The following DHCR24 variants were observed in gnomAD, a reference collection of about 807,000 sequenced individuals.
DHCR24 encodes 24-dehydrocholesterol reductase, also known as delta(24)-sterol reductase.
Under a neutral mutation model 61.2 loss-of-function variants are expected in DHCR24, and 28 were observed. The ratio of observed to expected loss-of-function variants is 0.46; its 90% CI spans 0.34 to 0.63. The LOEUF (loss-of-function observed/expected upper bound fraction) is 0.63, where lower values mean the gene tolerates loss of function less well. DHCR24 is among the 20% of genes least tolerant of loss of function. The probability of loss-of-function intolerance (pLI) is 0.01; values close to 1 mark genes in which losing one functional copy is unlikely to be tolerated. For synonymous variants in DHCR24, 261 were observed against 275.9 expected (o/e 0.95, Z 0.54); for missense variants, 538 against 679.1 (o/e 0.79, Z 2.31).
At chr1:54,869,171 T>C (rs1254229754) in intron 5 of DHCR24, among the ~76,000 whole-genome samples, 1 of 152,144 alleles carries the variant, frequency 6.6e-6, no homozygotes, top group African/African-American at 2.4e-5. Flanking sequence ...CCCTCACAAG[T>C]GATCCAAGAA....
chr1:54,852,104 G>A lies in DHCR24; in HGVS notation c.*129C>T, dbSNP rs576668037. ...TGGAAGCCAGGAGGAAGGTGGTGTT[G>A]GGCTGTCAGGGTGGGAGTTCTGGAG... On this transcript the variant is annotated 3_prime_UTR_variant, in exon 9 of 9. Coordinates refer to ENST00000371269, the MANE Select transcript of DHCR24 (RefSeq NM_014762.4). The A allele has an allele frequency of 8.1e-6, 9 of 1,104,646 alleles. No homozygotes were observed. The South Asian group carries it at 1.2e-4, about 14-fold the overall frequency. 68.4% of individuals were successfully genotyped at this position (1,104,646 alleles called of 1,614,324 possible).
At chr1:54,877,606 AT>A (rs1185040199) in intron 2 of DHCR24, among the ~76,000 whole-genome samples, 33 of 151,928 alleles carry the variant, frequency 2.2e-4, no homozygotes, top group African/African-American at 7.7e-4. Flanking sequence ...ATAAAAAATT[AT>A]TTTAAAAAAA....
chr1:54,875,217 G>A lies in DHCR24; in HGVS notation c.494-6C>T, dbSNP rs754044827. 5 of 1,613,740 alleles carry A rather than the reference G, an allele frequency of 3.1e-6. No homozygotes were observed. Among genetic ancestry groups the A allele is most frequent in the Admixed American group, 3.3e-5 (2 of 60,008 alleles). ...TGTGCCCATGATCAAGCCCCCTGCA[G>A]AGACATCACACACAGTGTCAGCAGG... is the stretch of plus-strand genomic sequence containing the variant. On this transcript the variant is annotated splice_region_variant and splice_polypyrimidine_tract_variant and intron_variant, in intron 3 of 8. Coordinates refer to ENST00000371269, the MANE Select transcript of DHCR24 (RefSeq NM_014762.4).
At chr1:54,871,785 G>C (rs748141698) in intron 4 of DHCR24, among the ~76,000 whole-genome samples, 172 bp from the exon 5 acceptor site, 5 of 152,184 alleles carry the variant, frequency 3.3e-5, no homozygotes, top group Non-Finnish European at 5.9e-5. Context: ...CCTCCCTGCA[G>C]CTTCGACATG....
chr1:54,865,214 A>G, intron 6 of DHCR24, 89 bp downstream of exon 6: 2 of 1,486,386 alleles, frequency 1.3e-6, no homozygotes, highest in South Asian at 2.4e-5. Flanking sequence ...TTTACCCTGA[A>G]GGGAGAGAGT....
At position 54,857,069 on chromosome 1, in the gene DHCR24, A is replaced by C. The variant is rs13374503; in HGVS notation, c.1021-2835T>G. ...AAATAGTCAACTGGTATCCAAATAT[A>C]TCAGCTGAAACCATTCCTTTTCCAG... is the stretch of plus-strand genomic sequence containing the variant. On this transcript the variant is annotated intron_variant, in intron 6 of 8. Coordinates refer to ENST00000371269, the MANE Select transcript of DHCR24 (RefSeq NM_014762.4). Among the ~76,000 whole-genome samples the C allele has an allele frequency of 8.5e-3, 1,292 of 152,372 alleles. 16 individuals are homozygous for C. Among genetic ancestry groups the C allele is most frequent in the East Asian group, 0.038 (198 of 5,194 alleles).
Position 54,883,210 on chromosome 1 carries a change from G to A in DHCR24, c.387+408C>T, listed in dbSNP as rs1369580905. On this transcript the variant is annotated intron_variant, in intron 2 of 8. Coordinates refer to ENST00000371269, the MANE Select transcript of DHCR24 (RefSeq NM_014762.4). This position sits in a 1 kb window ranked among gnomAD's most constrained non-coding sequence, Gnocchi z 4.3. ...TTTCGAGAAGTAAAATTACTAGATG[G>A]GCCAAAAAGTATGTACATTTCGAAG... Among the ~76,000 whole-genome samples the A allele has an allele frequency of 6.6e-6, 1 of 151,854 alleles. No homozygotes were observed. The highest frequency in any genetic ancestry group is 6.6e-5 in the Admixed American group (1 of 15,230).
intron 1 of DHCR24, among the ~76,000 whole-genome samples, chr1:54,884,103 T>C (rs1647079210): frequency 6.6e-6 from 1 of 152,270 alleles, no homozygotes; most frequent in South Asian, 2.1e-4. Flanking sequence ...GAGGACCATT[T>C]ACTGGGTATT....
chr1:54,886,770 AC>A (rs767052495), intron 1 of DHCR24, 118 bp downstream of exon 1: 73 of 758,978 alleles, frequency 9.6e-5, no homozygotes, highest in Admixed American at 3.2e-4. Flanking sequence ...CCAGCTCCCC[AC>A]CCCCCCAGGA....
rs918231598 is a variant in DHCR24 at position 54,880,437 on chromosome 1, T to C, written c.387+3181A>G. On this transcript the variant is annotated intron_variant, in intron 2 of 8. Transcript: ENST00000371269. Reference sequence around the variant, plus strand: ...AATATAGGAGAAAGCCTTTCTGACATTGGATAGGCAAAGATTTCCTAAATA... The same window carrying C: ...AATATAGGAGAAAGCCTTTCTGACACTGGATAGGCAAAGATTTCCTAAATA... Among the ~76,000 whole-genome samples, 6 of 152,166 alleles carry C rather than the reference T, an allele frequency of 3.9e-5. No individual in the cohort carries two copies. In the East Asian group the frequency reaches 5.8e-4, roughly 15 times the overall value.
intron 6 of DHCR24, among the ~76,000 whole-genome samples, chr1:54,854,503 CT>C: frequency 6.6e-6 from 1 of 152,254 alleles, no homozygotes; most frequent in Non-Finnish European, 1.5e-5. Context: ...TAAAATGGGC[CT>C]TGTGAGGATA....
At chr1:54,867,747 G>C (rs552636768) in intron 5 of DHCR24, among the ~76,000 whole-genome samples, 112 of 152,256 alleles carry the variant, frequency 7.4e-4, no homozygotes, top group African/African-American at 2.6e-3. Context: ...GTCCTTGCTA[G>C]GTGACTTGGT....
chr1:54,887,186 GGCCCGCTCTGCGCCTGTA>G, exon 1 of DHCR24: 1 of 1,381,892 alleles, frequency 7.2e-7, no homozygotes, highest in Non-Finnish European at 9.8e-7. Context: ...CTCCGCGCCT[GGCCCGCTCTGCGCCTGTA>G]GCCCACAGCC....
intron 6 of DHCR24, among the ~76,000 whole-genome samples, chr1:54,863,144 C>CA (rs1218592844): frequency 1.3e-5 from 2 of 149,948 alleles, no homozygotes; most frequent in African/African-American, 4.9e-5. Context: ...CATCCACGGC[C>CA]AATCTGTCTG....
Position 54,883,868 on chromosome 1 carries a change from C to A in DHCR24, c.232-95G>T. ...CTTCAAGGGCGAGCTGGGAATGATG[C>A]CTCCATCAGGCACTGGAGAAACAGA... is the stretch of plus-strand genomic sequence containing the variant. On this transcript the variant is annotated intron_variant, in intron 1 of 8. Coordinates refer to ENST00000371269, the MANE Select transcript of DHCR24 (RefSeq NM_014762.4). This position sits in a 1 kb window ranked among gnomAD's most constrained non-coding sequence, Gnocchi z 4.3. 4.6e-6 allele frequency: 7 copies of A among 1,531,122 alleles called. No individual in the cohort carries two copies. Among genetic ancestry groups the A allele is most frequent in the Non-Finnish European group, 6.3e-6 (7 of 1,114,274 alleles). The allele number at this position is 1,531,122 out of a possible 1,614,324, so 94.8% of individuals were successfully genotyped here. A position where few individuals can be genotyped will look rare whatever the true frequency, so the allele number is the denominator to read the frequency against.
intron 2 of DHCR24, among the ~76,000 whole-genome samples, chr1:54,877,363 GACTTCT>G (rs141082565): frequency 0.08 from 12,157 of 151,294 alleles, 667 homozygotes; most frequent in Admixed American, 0.13. Flanking sequence ...ACATCCCTTG[GACTTCT>G]ACTTCTAGCC....
At chr1:54,871,917 C>A (rs1241994852) in intron 4 of DHCR24, among the ~76,000 whole-genome samples, 2 of 152,202 alleles carry the variant, frequency 1.3e-5, no homozygotes, top group Non-Finnish European at 2.9e-5. Flanking sequence ...ACTGGCACTG[C>A]TGCCCAACGA....
Position 54,887,108 on chromosome 1 carries a change from G to A in DHCR24, c.12C>T (p.Ala4=), listed in dbSNP as rs1397866186. 2 of 1,587,344 alleles carry A rather than the reference G, an allele frequency of 1.3e-6. No individual in the cohort carries two copies. The highest frequency in any genetic ancestry group is 2.3e-5 in the East Asian group (1 of 43,828). Residue 4 remains alanine (A), a synonymous_variant, in exon 1 of 9, where the codon GCC becomes GCT. Coordinates refer to ENST00000371269, the MANE Select transcript of DHCR24 (RefSeq NM_014762.4). The stretch of plus-strand genomic sequence containing the variant: ...GCAGCGCGCACACGGCCAGCGACAC[G>A]GCGGGCTCCATGGTGCGGCGCCGCG... The part of the protein sequence containing the change: MEP[A]VSLAVCALLF...
rs575966588 is a variant in DHCR24, at chr1:54,852,281, G to A, written c.1503C>T (p.Asp501=). 1.6e-5 allele frequency: 26 copies of A among 1,614,208 alleles called. No individual in the cohort carries two copies. The Admixed American group carries it at 2.7e-4, about 17-fold the overall frequency. The part of the protein sequence containing the change: ...HKLREKLGCQ[D]AFPEVYDKIC... ...TCTTGTCGTACACCTCGGGGAAGGC[G>A]TCCTGGCAACCCAGCTTCTCTCGCA... Residue 501 remains aspartate (D), a synonymous_variant, in exon 9 of 9, where the codon GAC becomes GAT. Coordinates refer to ENST00000371269, the MANE Select transcript of DHCR24 (RefSeq NM_014762.4).
Sources: allele counts gnomAD v4.1 joint callset (sites outside exome capture counted in the v4.1 genomes callset), GRCh38; gene constraint gnomAD v4.1.1; non-coding constraint Gnocchi (gnomAD v3.1); transcripts MANE v1.5; gene names NCBI Gene and HGNC (gene_info 2026-07-23, HGNC 2026-07-21).